Variants in KIF13A observed in about 807,000 individuals in gnomAD.
KIF13A encodes kinesin-like protein KIF13A.
In KIF13A, 79 loss-of-function variants were observed where a neutral mutation model predicts 212.2. That is an observed-to-expected ratio of 0.37 (90% CI 0.31 to 0.45). The LOEUF is 0.45. Among genes scored for constraint, KIF13A ranks in the 20% least tolerant of loss-of-function variants. The probability of loss-of-function intolerance (pLI) is 1.00; values close to 1 mark genes in which losing one functional copy is unlikely to be tolerated. For missense variants in KIF13A, 1,901 were observed against 2,209.0 expected (o/e 0.86, Z 2.79); for synonymous variants, 789 against 808.6 (o/e 0.98, Z 0.41).
intron 2 of KIF13A, among the ~76,000 whole-genome samples, chr6:17,911,697 T>TAA (rs34367781): frequency 0.01 from 1,380 of 135,150 alleles, 23 homozygotes; most frequent in African/African-American, 0.035. Flanking sequence ...GTTAATGGGT[T>TAA]AAAAAAAAAA....
Position 17,785,703 on chromosome 6 carries a change from A to T in KIF13A, c.3362-62T>A. 1 of 1,554,108 alleles carries T rather than the reference A, an allele frequency of 6.4e-7. No individual in the cohort carries two copies. Among genetic ancestry groups the T allele is most frequent in the Non-Finnish European group, 8.7e-7 (1 of 1,145,024 alleles). ...GAGAAAGTATGACTTCTCAGTTTAC[A>T]AGGAATAGATTTCAGCCTGGGCAAC... On this transcript the variant is annotated intron_variant, in intron 27 of 38. Coordinates refer to ENST00000259711, the MANE Select transcript of KIF13A (RefSeq NM_022113.6). The surrounding 1 kb of genome is among the most constrained non-coding windows in gnomAD (Gnocchi z 5.8).
rs192460232 is a variant in KIF13A, at chr6:17,918,822, C to T, written c.147-20642G>A. Among the ~76,000 whole-genome samples the T allele has an allele frequency of 3.3e-5, 5 of 152,300 alleles. No homozygotes were observed. In the East Asian group the frequency reaches 9.6e-4, roughly 29 times the overall value. ...ACCTGCATCCTGCTTGGCCCTGTCA[C>T]TCAGTCTCCTATCACTGTGCTTTGT... On this transcript the variant is annotated intron_variant, in intron 2 of 38. Transcript: ENST00000259711. This position sits in a 1 kb window ranked among gnomAD's most constrained non-coding sequence, Gnocchi z 4.8.
chr6:17,949,616 A>C (rs948551834), intron 2 of KIF13A, among the ~76,000 whole-genome samples: 1 of 152,150 alleles, frequency 6.6e-6, no homozygotes, highest in Non-Finnish European at 1.5e-5. Context: ...ACCAGTTCTT[A>C]ATTTTCTAGA....
Position 17,856,846 on chromosome 6 carries a change from A to G in KIF13A, c.221-724T>C, listed in dbSNP as rs79888554. ...TTTCTAATATTCATTCTGTATCACT[A>G]AGACAATTAGACTTATGTTCTCCTT... is the stretch of plus-strand genomic sequence containing the variant. On this transcript the variant is annotated intron_variant, in intron 4 of 38. Coordinates refer to ENST00000259711, the MANE Select transcript of KIF13A (RefSeq NM_022113.6). This position sits in a 1 kb window ranked among gnomAD's most constrained non-coding sequence, Gnocchi z 4.5. Among the ~76,000 whole-genome samples the G allele has an allele frequency of 6.3e-3, 956 of 152,318 alleles. 13 individuals carry two copies. The highest frequency in any genetic ancestry group is 0.019 in the African/African-American group (787 of 41,568).
At chr6:17,893,206 A>G (rs1303406994) in intron 3 of KIF13A, among the ~76,000 whole-genome samples, 1 of 152,226 alleles carries the variant, frequency 6.6e-6, no homozygotes, top group Non-Finnish European at 1.5e-5. Flanking sequence ...TCAGTCACCC[A>G]GGATTCCTCT....
chr6:17,955,258 T>C (rs960335477), intron 2 of KIF13A, among the ~76,000 whole-genome samples: 1 of 152,228 alleles, frequency 6.6e-6, no homozygotes, highest in Admixed American at 6.5e-5. Context: ...GATCCTTCTA[T>C]TAGTAGCGAA....
intron 18 of KIF13A, among the ~76,000 whole-genome samples, chr6:17,806,039 C>T (rs1235912097): frequency 6.6e-6 from 1 of 151,904 alleles, no homozygotes; most frequent in Non-Finnish European, 1.5e-5. Flanking sequence ...CCCACCTCAG[C>T]CTCCCAAGTA....
At chr6:17,885,235 T>G (rs1239978625) in intron 3 of KIF13A, among the ~76,000 whole-genome samples, 1 of 152,218 alleles carries the variant, frequency 6.6e-6, no homozygotes. Context: ...ACTGCTTTTC[T>G]AAAAGCAGCT....
chr6:17,848,026 G>A (rs115597389), intron 9 of KIF13A, among the ~76,000 whole-genome samples: 4,880 of 151,826 alleles, frequency 0.032, 108 homozygotes, highest in Non-Finnish European at 0.05. Context: ...TATCCAGGCT[G>A]GTCTCAAATT....
rs113753353 is a variant in KIF13A at position 17,800,682 on chromosome 6, C to T, written c.2455-569G>A. The stretch of plus-strand genomic sequence containing the variant: ...GTGGCGTGATCTCGGCTCACTGCAA[C>T]CTCCACCTCCTGGGTTCAAGCGGTT... On this transcript the variant is annotated intron_variant, in intron 20 of 38. Transcript: ENST00000259711. Among the ~76,000 whole-genome samples the T allele has an allele frequency of 6.5e-3, 992 of 151,524 alleles. 9 individuals are homozygous for T. The highest frequency in any genetic ancestry group is 0.023 in the African/African-American group (941 of 41,256).
Position 17,763,846 on chromosome 6 carries a change from A to C in KIF13A, c.*264T>G. The C allele has an allele frequency of 8.0e-7, 1 of 1,257,568 alleles. No individual in the cohort carries two copies. 77.9% of individuals were successfully genotyped at this position (1,257,568 alleles called of 1,614,324 possible). A position where few individuals can be genotyped will look rare whatever the true frequency, so the allele number is the denominator to read the frequency against. ...AACTGGTAACTAAACATCCCAGGGA[A>C]TGAATATGAGATTGATCCTTATCCA... On this transcript the variant is annotated 3_prime_UTR_variant, in exon 39 of 39. Coordinates refer to ENST00000259711, the MANE Select transcript of KIF13A (RefSeq NM_022113.6).
intron 3 of KIF13A, among the ~76,000 whole-genome samples, chr6:17,893,852 T>C (rs76440071): frequency 6.7e-6 from 1 of 148,152 alleles, no homozygotes; most frequent in Non-Finnish European, 1.5e-5. Flanking sequence ...TTTTTTTTTT[T>C]TTTCTGAGAC....
chr6:17,783,780 T>C lies in KIF13A; in HGVS notation c.3489-79A>G, dbSNP rs1760811738. On this transcript the variant is annotated intron_variant, in intron 28 of 38. Coordinates refer to ENST00000259711, the MANE Select transcript of KIF13A (RefSeq NM_022113.6). This position sits in a 1 kb window ranked among gnomAD's most constrained non-coding sequence, Gnocchi z 4.3. The stretch of plus-strand genomic sequence containing the variant: ...TAGCTGATAAAACACCACAGAGCTG[T>C]GGAAGCAAAGAGAACCATGGTGGAG... 3.2e-6 allele frequency: 3 copies of C among 948,536 alleles called. No individual in the cohort carries two copies. The highest frequency in any genetic ancestry group is 5.0e-6 in the Non-Finnish European group (3 of 601,214). 58.8% of individuals were successfully genotyped at this position (948,536 alleles called of 1,614,324 possible). A position where few individuals can be genotyped will look rare whatever the true frequency, so the allele number is the denominator to read the frequency against.
chr6:17,813,757 G>A (rs1763649035), intron 17 of KIF13A, among the ~76,000 whole-genome samples: 1 of 151,822 alleles, frequency 6.6e-6, no homozygotes. Flanking sequence ...GAGCTCTACA[G>A]TCAGAATGCC....
Position 17,771,435 on chromosome 6 carries a change from A to G in KIF13A, c.4477-217T>C, listed in dbSNP as rs1204131245. On this transcript the variant is annotated intron_variant, in intron 37 of 38. Coordinates refer to ENST00000259711, the MANE Select transcript of KIF13A (RefSeq NM_022113.6). The surrounding 1 kb of genome is among the most constrained non-coding windows in gnomAD (Gnocchi z 5.4). ...AAGCATAATTAGTCTTATTTAAAAA[A>G]CAGCCTTTTGACCAGGTACAACGGC... 4 of 535,866 alleles carry G rather than the reference A, an allele frequency of 7.5e-6. No homozygotes were observed. The highest frequency in any genetic ancestry group is 1.3e-5 in the Non-Finnish European group (4 of 301,332). 33.2% of individuals were successfully genotyped at this position (535,866 alleles called of 1,614,324 possible). A position where few individuals can be genotyped will look rare whatever the true frequency, so the allele number is the denominator to read the frequency against.
In KIF13A at chr6:17,771,274, T is replaced by A; in HGVS notation, c.4477-56A>T. 2.7e-6 allele frequency: 3 copies of A among 1,119,914 alleles called. No homozygotes were observed. In the South Asian group the frequency reaches 3.9e-5, roughly 15 times the overall value. 69.4% of individuals were successfully genotyped at this position (1,119,914 alleles called of 1,614,324 possible). A position where few individuals can be genotyped will look rare whatever the true frequency, so the allele number is the denominator to read the frequency against. On this transcript the variant is annotated intron_variant, in intron 37 of 38. Transcript: ENST00000259711. This position sits in a 1 kb window ranked among gnomAD's most constrained non-coding sequence, Gnocchi z 5.4. ...CACACAAAGACGACAACGGCCAAAA[T>A]ACATATTAAGTACATGCAAGTTAGA...
chr6:17,858,112 T>TGTGC (rs1562063864), intron 4 of KIF13A, among the ~76,000 whole-genome samples: 1 of 131,994 alleles, frequency 7.6e-6, no homozygotes, highest in African/African-American at 2.7e-5. Context: ...TGTGTGTGTG[T>TGTGC]GCATGCACGC....
intron 16 of KIF13A, among the ~76,000 whole-genome samples, chr6:17,821,562 T>TGC (rs72086440): frequency 6.7e-6 from 1 of 149,772 alleles, no homozygotes; most frequent in East Asian, 2.0e-4. Flanking sequence ...GGTGTGTGTG[T>TGC]GTGTGTGTGT....
chr6:17,901,042 C>T (rs1311471085), intron 2 of KIF13A, among the ~76,000 whole-genome samples: 2 of 142,976 alleles, frequency 1.4e-5, no homozygotes, highest in Non-Finnish European at 3.0e-5. Context: ...CGTGCCACTG[C>T]ACTCCATCCA....
Sources: gnomAD v4.1 joint callset for allele counts (sites outside exome capture counted in the v4.1 genomes callset) on GRCh38, gnomAD v4.1.1 for gene constraint, Gnocchi (gnomAD v3.1) non-coding constraint, MANE v1.5 for transcripts, NCBI Gene and HGNC (gene_info 2026-07-23, HGNC 2026-07-21) for gene names.